Variants in NYAP2 observed in about 807,000 individuals in gnomAD.
NYAP2 encodes neuronal tyrosine-phosphorylated phosphoinositide-3-kinase adapter 2.
NYAP2 carries 23 observed loss-of-function variants against 50.4 expected under a neutral mutation model. The ratio of observed to expected loss-of-function variants is 0.46; its 90% CI spans 0.33 to 0.65. NYAP2 has a LOEUF of 0.65. Among genes scored for constraint, NYAP2 ranks in the 30% least tolerant of loss-of-function variants. The pLI is 0.02. For missense variants in NYAP2, 885 were observed against 861.0 expected, an observed-to-expected ratio of 1.03 and a Z score of -0.35; for synonymous variants, 394 against 365.2, an observed-to-expected ratio of 1.08 and a Z score of -0.90.
the NYAP2 span, among the ~76,000 whole-genome samples, chr2:225,665,807 T>TAAAAAAAAAAAAAAAAA: frequency 9.5e-5 from 2 of 20,996 alleles, no homozygotes; most frequent in African/African-American, 3.4e-4. Flanking sequence ...AGCCTCCGTC[T>TAAAAAAAAAAAAAAAAA]AAAAAAAAAA....
In NYAP2 at chr2:225,647,547, C is replaced by A. The variant is rs768211262; in HGVS notation, c.1829-3885C>A. ...CATCCCCTCTAACTGGAATCACTGCCATGGTAAGTAGGCGAGAGAGGCTTG... is the reference window on the plus strand; with the variant it reads ...CATCCCCTCTAACTGGAATCACTGCAATGGTAAGTAGGCGAGAGAGGCTTG... On this transcript the variant is annotated intron_variant, in intron 6 of 6. Coordinates refer to ENST00000636099, the Ensembl canonical transcript of NYAP2. 2.6e-4 allele frequency among the ~76,000 whole-genome samples: 39 copies of A among 152,240 alleles called. 1 individual carries two copies. The highest frequency in any genetic ancestry group is 6.8e-3 in the Middle Eastern group (2 of 292).
chr2:225,426,216 C>T (rs189294107), intron 3 of NYAP2, among the ~76,000 whole-genome samples: 7 of 151,922 alleles, frequency 4.6e-5, no homozygotes, highest in Non-Finnish European at 8.8e-5. Context: ...TCTGTAGAGT[C>T]AGACTTCCTT....
chr2:225,412,946 A>G (rs1695071229), intron 3 of NYAP2, among the ~76,000 whole-genome samples: 2 of 152,136 alleles, frequency 1.3e-5, no homozygotes, highest in Non-Finnish European at 2.9e-5. Context: ...CACATGGGAG[A>G]CAGTCATTTG....
chr2:225,444,369 T>C (rs1689519074), intron 3 of NYAP2, among the ~76,000 whole-genome samples: 1 of 152,198 alleles, frequency 6.6e-6, no homozygotes, highest in Non-Finnish European at 1.5e-5. Flanking sequence ...CATCTGTATC[T>C]CCACTGCTTC....
chr2:225,620,493 A>G (rs545597545), intron 5 of NYAP2, among the ~76,000 whole-genome samples: 21 of 151,296 alleles, frequency 1.4e-4, no homozygotes, highest in African/African-American at 4.6e-4. Flanking sequence ...GCACGCACAC[A>G]CACGCACGCA....
rs562828275 is a variant in NYAP2 at position 225,605,027 on chromosome 2, C to T, written c.1619-21890C>T. ...GATAGAAATTAAATATTCTCATTAG[C>T]CTTTGTAATGGAGGAATTATTCCTC... On this transcript the variant is annotated intron_variant, in intron 5 of 6. Transcript: ENST00000636099. Among the ~76,000 whole-genome samples the T allele has an allele frequency of 2.0e-5, 3 of 152,142 alleles. No individual in the cohort carries two copies. The East Asian group carries it at 5.8e-4, about 29-fold the overall frequency.
intron 6 of NYAP2, among the ~76,000 whole-genome samples, chr2:225,627,462 A>G (rs974850416): frequency 1.3e-5 from 2 of 152,328 alleles, no homozygotes; most frequent in African/African-American, 4.8e-5. Flanking sequence ...AGTTTGAGTA[A>G]TTTAGAATTT....
At chr2:225,558,373 TG>T (rs1417063888) in intron 4 of NYAP2, among the ~76,000 whole-genome samples, 2 of 152,172 alleles carry the variant, frequency 1.3e-5, no homozygotes. Context: ...GGAAACCCTT[TG>T]TCCATTTTTC....
chr2:225,491,466 T>C (rs1041647393), intron 3 of NYAP2, among the ~76,000 whole-genome samples: 1 of 152,192 alleles, frequency 6.6e-6, no homozygotes, highest in South Asian at 2.1e-4. Context: ...GGATTCTAAA[T>C]CAGAGAATTT....
At chr2:225,503,423 T>C (rs1325381364) in intron 3 of NYAP2, among the ~76,000 whole-genome samples, 1 of 152,196 alleles carries the variant, frequency 6.6e-6, no homozygotes, top group Non-Finnish European at 1.5e-5. Flanking sequence ...CCGTAGATAA[T>C]AACATATGTT....
At chr2:225,526,059 A>T (rs1274090102) in intron 4 of NYAP2, among the ~76,000 whole-genome samples, 1 of 152,164 alleles carries the variant, frequency 6.6e-6, no homozygotes, top group African/African-American at 2.4e-5. Flanking sequence ...TGAGCCTGGA[A>T]GTAGATTTTT....
intron 5 of NYAP2, among the ~76,000 whole-genome samples, chr2:225,591,540 C>T (rs1275890731): frequency 6.6e-6 from 1 of 152,092 alleles, no homozygotes; most frequent in East Asian, 1.9e-4. Flanking sequence ...ATATACTTAA[C>T]CTTCATGCCA....
chr2:225,625,043 T>TA (rs386392796), intron 5 of NYAP2, among the ~76,000 whole-genome samples: 22,522 of 69,546 alleles, frequency 0.32, 4,290 homozygotes, highest in South Asian at 0.42. Flanking sequence ...AACCCAAGCG[T>TA]AAAAAAAAAA....
At chr2:225,514,161 C>T (rs962708992) in intron 4 of NYAP2, among the ~76,000 whole-genome samples, 1 of 152,136 alleles carries the variant, frequency 6.6e-6, no homozygotes, top group African/African-American at 2.4e-5. Context: ...TTAATATCTC[C>T]AATTTTTACC....
chr2:225,639,107 A>C (rs1192812945), intron 6 of NYAP2, among the ~76,000 whole-genome samples: 1 of 152,080 alleles, frequency 6.6e-6, no homozygotes, highest in Non-Finnish European at 1.5e-5. Flanking sequence ...TCTCTAAAGC[A>C]CAAGAAAGAC....
intron 4 of NYAP2, among the ~76,000 whole-genome samples, chr2:225,536,953 T>A (rs1212488369): frequency 4.6e-5 from 7 of 151,724 alleles, no homozygotes; most frequent in Non-Finnish European, 2.9e-5. Flanking sequence ...TTTTTTATAT[T>A]TTTTTTAGTA....
intron 3 of NYAP2, among the ~76,000 whole-genome samples, chr2:225,462,785 T>C (rs531013604): frequency 1.4e-5 from 2 of 147,326 alleles, no homozygotes; most frequent in South Asian, 2.1e-4. Context: ...GTAGCTTCAG[T>C]TGGTCCATTA....
chr2:225,627,032 G>A, exon 6 of NYAP2: 3 of 1,596,122 alleles, frequency 1.9e-6, no homozygotes, highest in Non-Finnish European at 2.6e-6. Flanking sequence ...TCAAAGCTCA[G>A]GAATGGGATG....
At chr2:225,403,329 G>T (rs900659741) in intron 2 of NYAP2, among the ~76,000 whole-genome samples, 1 of 151,848 alleles carries the variant, frequency 6.6e-6, no homozygotes, top group Non-Finnish European at 1.5e-5. Context: ...TTTACCCTCT[G>T]CAAATAAAAT....
Sources: gnomAD v4.1 joint callset for allele counts (sites outside exome capture counted in the v4.1 genomes callset) on GRCh38, gnomAD v4.1.1 for gene constraint, MANE v1.5 for transcripts, NCBI Gene and HGNC (gene_info 2026-07-23, HGNC 2026-07-21) for gene names.